Variants in TRDMT1 observed in about 807,000 individuals in gnomAD.
TRDMT1 encodes tRNA aspartic acid methyltransferase 1, also known as tRNA (cytosine(38)-C(5))-methyltransferase.
A neutral mutation model predicts 51.2 loss-of-function variants in TRDMT1; 49 were observed. That is an observed-to-expected ratio of 0.96 (90% CI 0.76 to 1.21). The LOEUF (loss-of-function observed/expected upper bound fraction) is 1.21, where lower values mean the gene tolerates loss of function less well. Ranked by LOEUF, TRDMT1 falls within the 50% of genes most tolerant of loss-of-function variation. TRDMT1 has a pLI of 0.00. For synonymous variants in TRDMT1, 187 were observed against 164.6 expected, an observed-to-expected ratio of 1.14 and a Z score of -1.04; for missense variants, 534 against 462.3, an observed-to-expected ratio of 1.16 and a Z score of -1.42.
intron 2 of TRDMT1, chr10:17,171,621 C>A (rs1171637866): frequency 6.6e-6 from 1 of 152,202 alleles, no homozygotes; most frequent in African/African-American, 2.4e-5. Context: ...GACAACAACA[C>A]TGAATAATGT....
chr10:17,153,668 G>A (rs762071643), intron 9 of TRDMT1, 32 bp from the exon 10 acceptor site: 50 of 1,536,916 alleles, frequency 3.3e-5, no homozygotes, highest in Non-Finnish European at 9.6e-6. Context: ...AACTAAAAAA[G>A]TAATGTGCAA....
chr10:17,171,047 T>A (rs1841912671), intron 2 of TRDMT1, among the ~76,000 whole-genome samples: 1 of 152,128 alleles, frequency 6.6e-6, no homozygotes, highest in African/African-American at 2.4e-5. Flanking sequence ...GACATCCTTG[T>A]CTTTTTATTA....
In TRDMT1 at chr10:17,157,508, G is replaced by A. The variant is rs147828589; in HGVS notation, c.820C>T (p.Leu274=). ...ATGTCTAACAGAAGAGCATATCGCAGCAATGACTTTGGTGGTAAAAGATAC... is the reference window on the plus strand; with the variant it reads ...ATGTCTAACAGAAGAGCATATCGCAACAATGACTTTGGTGGTAAAAGATAC... ...NQYLLPPKSL[L]RYALLLDIVQ... Residue 274 remains leucine, a synonymous_variant, in exon 8 of 11, where the codon CTG becomes TTG. Coordinates refer to ENST00000377799, the MANE Select transcript of TRDMT1 (RefSeq NM_004412.7). 1.2e-6 allele frequency: 2 copies of A among 1,613,892 alleles called. No individual in the cohort carries two copies. The highest frequency in any genetic ancestry group is 1.7e-6 in the Non-Finnish European group (2 of 1,179,904).
chr10:17,197,816 T>G (rs1845651218), intron 1 of TRDMT1, among the ~76,000 whole-genome samples: 1 of 152,168 alleles, frequency 6.6e-6, no homozygotes, highest in Non-Finnish European at 1.5e-5. Flanking sequence ...GTGGATCACC[T>G]GAGGTCAGGA....
chr10:17,195,402 T>A (rs141759919), intron 1 of TRDMT1, among the ~76,000 whole-genome samples: 17 of 152,204 alleles, frequency 1.1e-4, no homozygotes, highest in African/African-American at 3.9e-4. Context: ...GAGTTAAACA[T>A]TGGATACTCA....
chr10:17,186,029 G>A (rs1333212102), intron 1 of TRDMT1, among the ~76,000 whole-genome samples: 2 of 148,486 alleles, frequency 1.3e-5, no homozygotes, highest in Non-Finnish European at 3.0e-5. Flanking sequence ...TTGTGCACAT[G>A]TACCCTAGAA....
intron 1 of TRDMT1, among the ~76,000 whole-genome samples, chr10:17,176,750 A>G (rs1162736844): frequency 6.6e-6 from 1 of 152,214 alleles, no homozygotes; most frequent in Non-Finnish European, 1.5e-5. Flanking sequence ...TTAAAAAGCA[A>G]ACCTGTCAAT....
chr10:17,145,891 T>A lies in TRDMT1; in HGVS notation c.*3149A>T. On this transcript the variant is annotated 3_prime_UTR_variant, in exon 11 of 11. Transcript: ENST00000377799. The stretch of plus-strand genomic sequence containing the variant: ...TCTGCTATGGCTAAAATTAAATCAG[T>A]TGTATTTATCTTTAGTTCATTTCTC... 1 of 985,410 alleles carries A rather than the reference T, an allele frequency of 1.0e-6. No individual in the cohort carries two copies. The highest frequency in any genetic ancestry group is 1.2e-6 in the Non-Finnish European group (1 of 829,912). The allele number at this position is 985,410 out of a possible 1,614,324, so 61.0% of individuals were successfully genotyped here. A position where few individuals can be genotyped will look rare whatever the true frequency, so the allele number is the denominator to read the frequency against.
chr10:17,168,710 G>A (rs1437077994), intron 3 of TRDMT1, 131 bp downstream of exon 3: 3 of 622,606 alleles, frequency 4.8e-6, no homozygotes, highest in Non-Finnish European at 8.2e-6. Context: ...ATGATTGTGA[G>A]GTTTCCCTAG....
intron 3 of TRDMT1, among the ~76,000 whole-genome samples, chr10:17,162,859 C>T (rs75481973): frequency 0.023 from 3,443 of 152,216 alleles, 59 homozygotes; most frequent in Middle Eastern, 0.038. Context: ...AAATGACTTA[C>T]ATTAATCAAA....
At chr10:17,172,804 A>G (rs1842192041) in intron 2 of TRDMT1, among the ~76,000 whole-genome samples, 1 of 152,210 alleles carries the variant, frequency 6.6e-6, no homozygotes, top group South Asian at 2.1e-4. Flanking sequence ...TGGTGCCTAT[A>G]ACATTCGTAG....
Position 17,149,277 on chromosome 10 carries a change from A to C in TRDMT1, c.1076-137T>G, listed in dbSNP as rs555032537. The C allele has an allele frequency of 1.3e-5, 9 of 678,864 alleles. No homozygotes were observed. The South Asian group carries it at 1.7e-4, about 13-fold the overall frequency. The allele number at this position is 678,864 out of a possible 1,614,324, so 42.1% of individuals were successfully genotyped here. A position where few individuals can be genotyped will look rare whatever the true frequency, so the allele number is the denominator to read the frequency against. On this transcript the variant is annotated intron_variant, in intron 10 of 10. Transcript: ENST00000377799. Reference sequence around the variant, plus strand: ...AGGTCTCCATGAAGTTTTATTAACAAAAGAGAATTTGGAGCCAAAAATATT... The same window carrying C: ...AGGTCTCCATGAAGTTTTATTAACACAAGAGAATTTGGAGCCAAAAATATT...
At chr10:17,178,451 A>G (rs11254428) in intron 1 of TRDMT1, among the ~76,000 whole-genome samples, 20,831 of 152,130 alleles carry the variant, frequency 0.14, 1,519 homozygotes, top group Admixed American at 0.17. Context: ...CAAGGAGGGC[A>G]CACCATTTGA....
At chr10:17,161,652 A>G in intron 4 of TRDMT1, 104 bp from the exon 5 acceptor site, 1 of 664,192 alleles carries the variant, frequency 1.5e-6, no homozygotes, top group Non-Finnish European at 2.2e-6. Flanking sequence ...AATTTTCTGA[A>G]CTCTTTTTAA....
intron 1 of TRDMT1, among the ~76,000 whole-genome samples, chr10:17,176,815 T>C (rs892189207): frequency 2.0e-5 from 3 of 152,210 alleles, no homozygotes; most frequent in Non-Finnish European, 2.9e-5. Context: ...TATTTCTTAG[T>C]ATACAGTTTA....
chr10:17,174,437 T>G, intron 2 of TRDMT1, 114 bp downstream of exon 2: 2 of 659,622 alleles, frequency 3.0e-6, no homozygotes, highest in Non-Finnish European at 5.0e-6. Flanking sequence ...CCTGAACTCT[T>G]AAATTTATAT....
At chr10:17,201,320 C>T (rs1219419099) in intron 1 of TRDMT1, 5 of 494,642 alleles carry the variant, frequency 1.0e-5, no homozygotes, top group South Asian at 5.7e-5. Flanking sequence ...TCCCGACTCC[C>T]AACTGGGCCC....
chr10:17,149,525 A>G (rs955850950), intron 10 of TRDMT1, among the ~76,000 whole-genome samples: 2 of 152,164 alleles, frequency 1.3e-5, no homozygotes, highest in Non-Finnish European at 2.9e-5. Context: ...TCACCCATTT[A>G]AAGTGTACAA....
chr10:17,195,296 C>A (rs1185624928), intron 1 of TRDMT1, among the ~76,000 whole-genome samples: 1 of 152,150 alleles, frequency 6.6e-6, no homozygotes, highest in East Asian at 1.9e-4. Context: ...AAATCATATC[C>A]TTTGTAGCAA....
Sources: gnomAD v4.1 joint callset for allele counts (sites outside exome capture counted in the v4.1 genomes callset) on GRCh38, gnomAD v4.1.1 for gene constraint, MANE v1.5 for transcripts, NCBI Gene and HGNC (gene_info 2026-07-23, HGNC 2026-07-21) for gene names.